Variants in LIMCH1 observed in about 807,000 individuals in gnomAD.
The protein encoded by LIMCH1 is LIM and calponin homology domains 1, also known as LIM and calponin homology domains-containing protein 1.
LIMCH1 carries 113 observed loss-of-function variants against 176.5 expected under a neutral mutation model. The observed-to-expected ratio is 0.64, with a 90% confidence interval of 0.55 to 0.75. The LOEUF (loss-of-function observed/expected upper bound fraction) is 0.75, where lower values mean the gene tolerates loss of function less well. Among genes scored for constraint, LIMCH1 ranks in the 30% least tolerant of loss-of-function variants. LIMCH1 has a pLI of 0.00. For missense variants in LIMCH1, 1,674 were observed against 1,814.9 expected, an observed-to-expected ratio of 0.92 and a Z score of 1.41; for synonymous variants, 619 against 645.9, an observed-to-expected ratio of 0.96 and a Z score of 0.63.
intron 1 of LIMCH1, among the ~76,000 whole-genome samples, chr4:41,418,076 C>T (rs4861105): frequency 0.2 from 30,095 of 152,048 alleles, 3,144 homozygotes; most frequent in Admixed American, 0.26. Context: ...TGCCCCTACC[C>T]ACTACTTTTC....
intron 23 of LIMCH1, among the ~76,000 whole-genome samples, chr4:41,678,801 T>C (rs1713260349): frequency 6.6e-6 from 1 of 152,086 alleles, no homozygotes; most frequent in Non-Finnish European, 1.5e-5. Context: ...GTTCATCCTG[T>C]TGGTGAGGGG....
intron 2 of LIMCH1, among the ~76,000 whole-genome samples, chr4:41,499,143 G>A (rs2072755810): frequency 6.6e-6 from 1 of 152,088 alleles, no homozygotes; most frequent in African/African-American, 2.4e-5. Context: ...TTTACAAAAG[G>A]TTTTCCCAGG....
At chr4:41,454,450 G>GGA (rs58614605) in intron 1 of LIMCH1, among the ~76,000 whole-genome samples, 2,229 of 148,420 alleles carry the variant, frequency 0.015, 21 homozygotes, top group Non-Finnish European at 0.019. Context: ...ATGATGAGGG[G>GGA]GAGAGAGAGA....
chr4:41,374,569 T>G (rs989168769), intron 1 of LIMCH1, among the ~76,000 whole-genome samples: 1 of 150,588 alleles, frequency 6.6e-6, no homozygotes, highest in African/African-American at 2.5e-5. Flanking sequence ...TCATTCAATT[T>G]TTTTTTTTGT....
Position 41,698,466 on chromosome 4 carries a change from A to T in LIMCH1, c.*1281A>T, listed in dbSNP as rs1731854141. ...CAAGAAAGGAGTCAAGTTATTAAAAAGCATCACAATGTAGATCTCCAGGCT... is the reference window on the plus strand; with the variant it reads ...CAAGAAAGGAGTCAAGTTATTAAAATGCATCACAATGTAGATCTCCAGGCT... On this transcript the variant is annotated 3_prime_UTR_variant, in exon 32 of 32. Coordinates refer to ENST00000503057, the MANE Select transcript of LIMCH1 (RefSeq NM_001330672.2). The T allele has an allele frequency of 6.6e-6, 1 of 152,332 alleles. No individual in the cohort carries two copies. The highest frequency in any genetic ancestry group is 6.5e-5 in the Admixed American group (1 of 15,276). 9.4% of individuals were successfully genotyped at this position (152,332 alleles called of 1,614,324 possible). A position where few individuals can be genotyped will look rare whatever the true frequency, so the allele number is the denominator to read the frequency against.
intron 15 of LIMCH1, among the ~76,000 whole-genome samples, chr4:41,645,523 A>C (rs975010663): frequency 1.3e-5 from 2 of 152,154 alleles, no homozygotes. Context: ...AGCATGGAAA[A>C]GACAGAGCTG....
Position 41,437,009 on chromosome 4 carries a change from C to G in LIMCH1, c.97-57527C>G, listed in dbSNP as rs572308518. Among the ~76,000 whole-genome samples the G allele has an allele frequency of 5.3e-5, 8 of 152,276 alleles. No individual in the cohort carries two copies. In the South Asian group the frequency reaches 1.7e-3, roughly 32 times the overall value. Reference sequence around the variant, plus strand: ...ACTCTTTGTTATTTCTGAATGTGAGCTTGACACACAAATCTTCTTTTAAGA... The same window carrying G: ...ACTCTTTGTTATTTCTGAATGTGAGGTTGACACACAAATCTTCTTTTAAGA... On this transcript the variant is annotated intron_variant, in intron 1 of 26. Transcript: ENST00000313860.
At chr4:41,550,276 G>A (rs1409643743) in intron 1 of LIMCH1, among the ~76,000 whole-genome samples, 2 of 151,080 alleles carry the variant, frequency 1.3e-5, no homozygotes, top group African/African-American at 4.9e-5. Flanking sequence ...TCAGTCAACA[G>A]GTATTAATTT....
chr4:41,432,917 C>G (rs1227144684), intron 1 of LIMCH1, among the ~76,000 whole-genome samples: 1 of 152,188 alleles, frequency 6.6e-6, no homozygotes, highest in African/African-American at 2.4e-5. Flanking sequence ...CAAAATAAAA[C>G]TGAACAAGAC....
chr4:41,546,293 C>T (rs2079382705), intron 1 of LIMCH1, among the ~76,000 whole-genome samples: 2 of 152,044 alleles, frequency 1.3e-5, no homozygotes. Flanking sequence ...TGTGCGCCAC[C>T]ATGCCCAACT....
At chr4:41,473,385 T>G (rs1561481342) in intron 1 of LIMCH1, among the ~76,000 whole-genome samples, 1 of 152,208 alleles carries the variant, frequency 6.6e-6, no homozygotes, top group Admixed American at 6.5e-5. Flanking sequence ...GAGCTGTTGA[T>G]GGTTGGAAAA....
Position 41,643,519 on chromosome 4 carries a change from A to G in LIMCH1, c.2127-981A>G, listed in dbSNP as rs181818248. ...TGCTTTGGTTTCTATTTCTGTTTTC[A>G]TCTTGCTGCTTCAGCTTTTGCTGTA... On this transcript the variant is annotated intron_variant, in intron 14 of 31. Coordinates refer to ENST00000503057, the MANE Select transcript of LIMCH1 (RefSeq NM_001330672.2). 2.6e-3 allele frequency among the ~76,000 whole-genome samples: 393 copies of G among 152,290 alleles called. 1 individual carries two copies. Among genetic ancestry groups the G allele is most frequent in the Non-Finnish European group, 9.3e-4 (63 of 68,008 alleles).
At chr4:41,392,485 C>T (rs1051063959) in intron 1 of LIMCH1, among the ~76,000 whole-genome samples, 2 of 152,160 alleles carry the variant, frequency 1.3e-5, no homozygotes, top group African/African-American at 4.8e-5. Flanking sequence ...TGAGACAGCA[C>T]TTGCCTGGTA....
intron 1 of LIMCH1, among the ~76,000 whole-genome samples, chr4:41,421,418 C>T (rs2060595540): frequency 6.6e-6 from 1 of 152,138 alleles, no homozygotes; most frequent in African/African-American, 2.4e-5. Context: ...AGTAATCTTC[C>T]TACTTTTTCT....
rs73135470 is a variant in LIMCH1, at chr4:41,607,370, C to A, written c.9+1366C>A. 8.7e-3 allele frequency among the ~76,000 whole-genome samples: 1,318 copies of A among 152,348 alleles called. 14 individuals carry two copies. The highest frequency in any genetic ancestry group is 0.03 in the African/African-American group (1,264 of 41,580). On this transcript the variant is annotated intron_variant, in intron 4 of 31. Coordinates refer to ENST00000503057, the MANE Select transcript of LIMCH1 (RefSeq NM_001330672.2). Reference sequence around the variant, plus strand: ...AAATGGCCAAAGCTTTCATATTGGTCATAACGCACATACACAAGGTACTTT... The same window carrying A: ...AAATGGCCAAAGCTTTCATATTGGTAATAACGCACATACACAAGGTACTTT...
intron 26 of LIMCH1, among the ~76,000 whole-genome samples, chr4:41,683,280 T>G (rs1395642277): frequency 1.3e-5 from 2 of 152,196 alleles, no homozygotes; most frequent in East Asian, 3.9e-4. Flanking sequence ...CTCTACTGTG[T>G]TCCATGGAAG....
intron 2 of LIMCH1, among the ~76,000 whole-genome samples, chr4:41,603,291 G>A (rs915134603): frequency 2.0e-5 from 3 of 151,186 alleles, no homozygotes; most frequent in Non-Finnish European, 2.9e-5. Context: ...TAGTTAGAGA[G>A]TAAACATGGG....
Position 41,697,469 on chromosome 4 carries a change from G to A in LIMCH1, c.*284G>A, listed in dbSNP as rs185825658. Reference sequence around the variant, plus strand: ...AAAAGGTTTTAGCATGGTCAAACAGGCTTATGGTTTAAAATGTGTTATTCT... The same window carrying A: ...AAAAGGTTTTAGCATGGTCAAACAGACTTATGGTTTAAAATGTGTTATTCT... On this transcript the variant is annotated 3_prime_UTR_variant, in exon 32 of 32. Transcript: ENST00000503057. 684 of 388,328 alleles carry A rather than the reference G, an allele frequency of 1.8e-3. 5 individuals are homozygous for A. Among genetic ancestry groups the A allele is most frequent in the African/African-American group, 0.013 (607 of 48,430 alleles). 24.1% of individuals were successfully genotyped at this position (388,328 alleles called of 1,614,324 possible). A position where few individuals can be genotyped will look rare whatever the true frequency, so the allele number is the denominator to read the frequency against.
At chr4:41,394,987 A>G (rs16853182) in intron 1 of LIMCH1, among the ~76,000 whole-genome samples, 55,473 of 152,044 alleles carry the variant, frequency 0.36, 11,330 homozygotes, top group African/African-American at 0.56. Flanking sequence ...ATACTTCTTG[A>G]TATCTGAGAA....
Sources: gnomAD v4.1 joint callset for allele counts (sites outside exome capture counted in the v4.1 genomes callset) on GRCh38, gnomAD v4.1.1 for gene constraint, MANE v1.5 for transcripts, NCBI Gene and HGNC (gene_info 2026-07-23, HGNC 2026-07-21) for gene names.